ADGRF4: variants seen among roughly 807,000 people sequenced by gnomAD.
ADGRF4 encodes G-protein coupled receptor PGR18.
Under a neutral mutation model 58.5 loss-of-function variants are expected in ADGRF4, and 63 were observed. The observed-to-expected ratio is 1.08, with a 90% CI of 0.88 to 1.33. ADGRF4 has a LOEUF of 1.33. Among genes scored for constraint, ADGRF4 ranks in the 40% most tolerant of loss-of-function variants. The pLI is 0.00. For synonymous variants in ADGRF4, 313 were observed against 295.4 expected (o/e 1.06, Z -0.61); for missense variants, 931 against 843.9 (o/e 1.10, Z -1.28).
intron 1 of ADGRF4, among the ~76,000 whole-genome samples, chr6:47,703,462 A>G (rs539929397): frequency 4.5e-4 from 69 of 152,338 alleles, no homozygotes; most frequent in African/African-American, 1.6e-3. Flanking sequence ...GAAAATGTCT[A>G]TCTAATCCAT....
At chr6:47,717,481 C>T (rs755230983) in intron 8 of ADGRF4, 130 bp downstream of exon 8, 1 of 705,216 alleles carries the variant, frequency 1.4e-6, no homozygotes, top group Non-Finnish European at 2.6e-6. Flanking sequence ...TTCATTCATT[C>T]ATTTCTTCAT....
At position 47,712,616 on chromosome 6, in the gene ADGRF4, T is replaced by C. The variant is rs780501912; in HGVS notation, c.552+8T>C. 2 of 1,559,280 alleles carry C rather than the reference T, an allele frequency of 1.3e-6. No individual in the cohort carries two copies. The highest frequency in any genetic ancestry group is 1.4e-5 in the African/African-American group (1 of 73,562). ...ACTCGAGAGAAAATGAAGGTATTCT[T>C]TGTTAATCATTTAAAAATGATGTTT... On this transcript the variant is annotated splice_region_variant and intron_variant, in intron 5 of 9. Transcript: ENST00000283303.
At position 47,710,820 on chromosome 6, in the gene ADGRF4, T is replaced by C; in HGVS notation, c.234T>C (p.Cys78=). The C allele has an allele frequency of 6.2e-7, 1 of 1,613,986 alleles. No homozygotes were observed. Among genetic ancestry groups the C allele is most frequent in the Non-Finnish European group, 8.5e-7 (1 of 1,179,896 alleles). ...KDFHGEIGFT[C]NQKKWQKSAE... ...TTCATGGAGAAATAGGATTTACATG[T>C]AATCAAAAAAAGTGGCAAAAATCAG... Residue 78 remains cysteine (C), a synonymous_variant, in exon 4 of 10, where the codon TGT becomes TGC. Coordinates refer to ENST00000283303, the MANE Select transcript of ADGRF4 (RefSeq NM_153838.5).
At chr6:47,715,450 G>A (rs1312013171) in intron 6 of ADGRF4, 1 of 322,586 alleles carries the variant, frequency 3.1e-6, no homozygotes, top group Non-Finnish European at 5.7e-6. Context: ...CACTTATAGA[G>A]GACTATTCTT....
In ADGRF4 at chr6:47,717,384, G is replaced by A. The variant is rs146735795; in HGVS notation, c.2034+33G>A. The A allele has an allele frequency of 2.1e-4, 303 of 1,473,482 alleles. 1 individual carries two copies. The African/African-American group carries it at 3.8e-3, about 18-fold the overall frequency. 91.3% of individuals were successfully genotyped at this position (1,473,482 alleles called of 1,614,324 possible). A position where few individuals can be genotyped will look rare whatever the true frequency, so the allele number is the denominator to read the frequency against. ...TTCCCCTTTTAGTCTCAGCCCTGGA[G>A]AGTCCGTGTCCTTGCCGGTTATGCA... On this transcript the variant is annotated intron_variant, in intron 8 of 9. Coordinates refer to ENST00000283303, the MANE Select transcript of ADGRF4 (RefSeq NM_153838.5).
intron 1 of ADGRF4, among the ~76,000 whole-genome samples, chr6:47,701,132 G>A (rs950452391): frequency 6.6e-6 from 1 of 152,102 alleles, no homozygotes; most frequent in South Asian, 2.1e-4. Context: ...GTCTAGCTGT[G>A]TTTGCCTGTA....
chr6:47,714,577 G>C lies in ADGRF4; in HGVS notation c.1332G>C (p.Val444=), dbSNP rs770551926. Residue 444 remains valine, a synonymous_variant, in exon 6 of 10, where the codon GTG becomes GTC. Transcript: ENST00000283303. The part of the protein sequence containing the change: ...EISYMRHVCI[V]NIAVSLLTAN... Reference sequence around the variant, plus strand: ...CATACATGCGTCACGTGTGCATCGTGAATATAGCAGTGTCCCTTCTGACTG... The same window carrying C: ...CATACATGCGTCACGTGTGCATCGTCAATATAGCAGTGTCCCTTCTGACTG... 3.2e-5 allele frequency: 51 copies of C among 1,614,074 alleles called. No individual in the cohort carries two copies. In the South Asian group the frequency reaches 5.4e-4, roughly 17 times the overall value.
At chr6:47,710,988 C>T (rs758654844) in intron 4 of ADGRF4, 102 bp downstream of exon 4, 21 of 1,109,546 alleles carry the variant, frequency 1.9e-5, no homozygotes, top group East Asian at 5.5e-5. Flanking sequence ...GTCTCAGATC[C>T]GCACTTAGAA....
intron 1 of ADGRF4, among the ~76,000 whole-genome samples, chr6:47,703,696 A>G (rs6458592): frequency 0.83 from 126,541 of 152,174 alleles, 53,084 homozygotes; most frequent in Middle Eastern, 0.9. Flanking sequence ...GTTCAAATTC[A>G]TGTATTTTAT....
Position 47,714,992 on chromosome 6 carries a change from A to G in ADGRF4, c.1747A>G (p.Asn583Asp). Residue 583 changes from asparagine to aspartate, a missense_variant, in exon 6 of 10, where the codon AAC (asparagine) becomes GAC (aspartate). Asn to Asp is a conservative substitution (Grantham distance 23). Transcript: ENST00000283303. The stretch of plus-strand genomic sequence containing the variant: ...GATTGTGGTTTTGGTTGTTGCTGTC[A>G]ACACTCAGAGGCCCTCTATTGGCAG... The part of the protein sequence containing the change: ...NLIVVLVVAV[N>D]TQRPSIGSSK... 6.2e-7 allele frequency: 1 copy of G among 1,613,682 alleles called. No homozygotes were observed. Among genetic ancestry groups the G allele is most frequent in the Non-Finnish European group, 8.5e-7 (1 of 1,179,576 alleles).
At chr6:47,710,594 T>C in intron 3 of ADGRF4, 141 bp from the exon 4 acceptor site, 1 of 690,486 alleles carries the variant, frequency 1.4e-6, no homozygotes, top group South Asian at 2.0e-5. Flanking sequence ...CTCTTACTCA[T>C]TGCCGTGGAC....
Position 47,714,794 on chromosome 6 carries a change from A to C in ADGRF4, c.1549A>C (p.Ile517Leu), listed in dbSNP as rs753140370. 1.9e-6 allele frequency: 3 copies of C among 1,613,868 alleles called. 1 individual carries two copies. The Admixed American group carries it at 5.0e-5, about 27-fold the overall frequency. Residue 517 changes from isoleucine (I) to leucine (L), a missense_variant, in exon 6 of 10, where the codon ATT becomes CTT. Physicochemically the swap from Ile to Leu is conservative, Grantham distance 5 (BLOSUM62 2). Coordinates refer to ENST00000283303, the MANE Select transcript of ADGRF4 (RefSeq NM_153838.5). ...RRMMKSRMMVIGFAIGYGCPL... is the reference protein window; with the variant it reads ...RRMMKSRMMVLGFAIGYGCPL... Reference sequence around the variant, plus strand: ...GATGATGAAGTCCCGAATGATGGTCATTGGCTTTGCCATTGGCTATGGGTG... The same window carrying C: ...GATGATGAAGTCCCGAATGATGGTCCTTGGCTTTGCCATTGGCTATGGGTG...
chr6:47,717,110 A>C (rs1000004754), intron 7 of ADGRF4, among the ~76,000 whole-genome samples, 182 bp from the exon 8 acceptor site: 6 of 152,214 alleles, frequency 3.9e-5, no homozygotes, highest in Non-Finnish European at 8.8e-5. Context: ...CTAATACCAA[A>C]TCCCAAATCT....
intron 1 of ADGRF4, among the ~76,000 whole-genome samples, chr6:47,701,951 G>T (rs1470915609): frequency 6.6e-6 from 1 of 152,186 alleles, no homozygotes; most frequent in African/African-American, 2.4e-5. Context: ...TGATTCTCCT[G>T]CTTCCGCCTT....
At chr6:47,717,270 C>CCAACATCTGTGGAACAACA (rs1772043259) in intron 7 of ADGRF4, 22 bp from the exon 8 acceptor site, 2 of 1,570,614 alleles carry the variant, frequency 1.3e-6, no homozygotes, top group East Asian at 4.5e-5. Context: ...TGAGGTACTT[C>CCAACATCTGTGGAACAACA]TCATTGTCAT....
Position 47,714,496 on chromosome 6 carries a change from T to C in ADGRF4, c.1251T>C (p.Val417=). Reference sequence around the variant, plus strand: ...TCAGCGTCTCAATCCTAAGCTTGGTTCTTTGCCTGATCATTGAAGCCACAG... The same window carrying C: ...TCAGCGTCTCAATCCTAAGCTTGGTCCTTTGCCTGATCATTGAAGCCACAG... ...IGLSVSILSL[V]LCLIIEATVW... The change falls in exon 6 of 10, where the codon GTT becomes GTC. Residue 417 remains valine (V), a synonymous_variant. Transcript: ENST00000283303. 6.2e-7 allele frequency: 1 copy of C among 1,614,162 alleles called. No homozygotes were observed. Among genetic ancestry groups the C allele is most frequent in the Non-Finnish European group, 8.5e-7 (1 of 1,180,022 alleles).
intron 5 of ADGRF4, 146 bp downstream of exon 5, chr6:47,712,754 T>C: frequency 1.6e-6 from 1 of 635,768 alleles, no homozygotes; most frequent in South Asian, 2.0e-5. Flanking sequence ...GGATATTGAT[T>C]CATTATAGTT....
At chr6:47,711,302 C>A (rs976380844) in intron 4 of ADGRF4, among the ~76,000 whole-genome samples, 3 of 152,082 alleles carry the variant, frequency 2.0e-5, no homozygotes, top group African/African-American at 2.4e-5. Flanking sequence ...CTTGCTCTGC[C>A]TCCAGGCTGG....
At chr6:47,705,643 T>A (rs555179404) in intron 1 of ADGRF4, among the ~76,000 whole-genome samples, 9 of 152,346 alleles carry the variant, frequency 5.9e-5, no homozygotes, top group African/African-American at 1.9e-4. Context: ...TCATCTCAGC[T>A]GAAGGCTCAC....
Sources: gnomAD v4.1 joint callset for allele counts (sites outside exome capture counted in the v4.1 genomes callset) on GRCh38, gnomAD v4.1.1 for gene constraint, MANE v1.5 for transcripts, NCBI Gene and HGNC (gene_info 2026-07-23, HGNC 2026-07-21) for gene names.